The following CATSPERE variants were observed in gnomAD, a reference collection of about 807,000 sequenced individuals.
CATSPERE encodes cation channel sperm-associated auxiliary subunit epsilon.
A neutral mutation model predicts 114.1 loss-of-function variants in CATSPERE; 93 were observed. The observed-to-expected ratio is 0.81, with a 90% CI of 0.69 to 0.97. CATSPERE has a LOEUF of 0.97. Ranked by LOEUF, CATSPERE falls within the 50% of genes least tolerant of loss-of-function variation. CATSPERE has a pLI of 0.00. For synonymous variants in CATSPERE, 341 were observed against 384.1 expected (o/e 0.89, Z 1.31); for missense variants, 1,058 against 1,131.6 (o/e 0.93, Z 0.93).
At position 244,618,649 on chromosome 1, in the gene CATSPERE, T is replaced by A. The variant is rs566149216; in HGVS notation, c.2648+963T>A. Among the ~76,000 whole-genome samples the A allele has an allele frequency of 2.6e-5, 4 of 152,216 alleles. No individual in the cohort carries two copies. The East Asian group carries it at 7.7e-4, about 29-fold the overall frequency. On this transcript the variant is annotated intron_variant, in intron 20 of 21. Transcript: ENST00000366534. Reference sequence around the variant, plus strand: ...AAAATTAGCTGGGTGTGGTGGTGCATGCCTGTAATCCCAGCTACTCAGAAG... The same window carrying A: ...AAAATTAGCTGGGTGTGGTGGTGCAAGCCTGTAATCCCAGCTACTCAGAAG...
chr1:244,484,024 A>G (rs1367272944), intron 5 of CATSPERE, among the ~76,000 whole-genome samples: 1 of 152,088 alleles, frequency 6.6e-6, no homozygotes, highest in East Asian at 1.9e-4. Flanking sequence ...TTTCTACATG[A>G]ATAATTAATT....
At chr1:244,559,559 C>T (rs1408944924) in intron 9 of CATSPERE, among the ~76,000 whole-genome samples, 3 of 152,116 alleles carry the variant, frequency 2.0e-5, no homozygotes, top group Admixed American at 2.0e-4. Context: ...TGAAATTAGG[C>T]CCACCAAGTT....
rs373221923 is a variant in CATSPERE at position 244,624,162 on chromosome 1, A to G, written c.2648+6476A>G. Among the ~76,000 whole-genome samples, 957 of 134,028 alleles carry G rather than the reference A, an allele frequency of 7.1e-3. 21 individuals are homozygous for G. The East Asian group carries it at 0.1, about 14-fold the overall frequency. The allele number at this position is 134,028 out of a possible 152,430, so 87.9% of individuals were successfully genotyped here. On this transcript the variant is annotated intron_variant, in intron 20 of 21. Transcript: ENST00000366534. The stretch of plus-strand genomic sequence containing the variant: ...TTTTTTTTGTATTTTTAGTAGAGAC[A>G]GGGTTTCACCGTGTTAGCCAGGATG...
chr1:244,543,400 G>A (rs1022595938), intron 8 of CATSPERE, among the ~76,000 whole-genome samples: 2 of 151,894 alleles, frequency 1.3e-5, no homozygotes, highest in African/African-American at 2.4e-5. Context: ...GACAGATACT[G>A]TATGATCTCA....
intron 8 of CATSPERE, among the ~76,000 whole-genome samples, chr1:244,541,943 T>C (rs1410551503): frequency 1.6e-5 from 2 of 128,750 alleles, no homozygotes; most frequent in African/African-American, 3.0e-5. Flanking sequence ...CACTCATAGG[T>C]GGGAATTGAA....
intron 2 of CATSPERE, among the ~76,000 whole-genome samples, chr1:244,466,949 C>T (rs943532775): frequency 6.6e-6 from 1 of 152,158 alleles, no homozygotes; most frequent in African/African-American, 2.4e-5. Context: ...AAGTTCCAGT[C>T]CACATCTGAT....
chr1:244,497,264 G>A (rs993682819), intron 6 of CATSPERE, among the ~76,000 whole-genome samples: 5 of 152,096 alleles, frequency 3.3e-5, no homozygotes, highest in Non-Finnish European at 7.4e-5. Context: ...GTAAATGACA[G>A]ATAACATGGC....
At chr1:244,515,477 C>G in intron 7 of CATSPERE, 3 of 222,228 alleles carry the variant, frequency 1.3e-5, no homozygotes, top group Non-Finnish European at 2.3e-5. Flanking sequence ...ATTAGATCCT[C>G]AGATCTAGAA....
At chr1:244,636,953 C>G (rs1215461622) in intron 21 of CATSPERE, among the ~76,000 whole-genome samples, 2 of 152,134 alleles carry the variant, frequency 1.3e-5, no homozygotes, top group Non-Finnish European at 2.9e-5. Flanking sequence ...TGTCTCCATT[C>G]TGCTCTCTCT....
chr1:244,451,522 A>G (rs1665601679), upstream of CATSPERE: 2 of 1,140,406 alleles, frequency 1.8e-6, no homozygotes, highest in Non-Finnish European at 2.4e-6. This position sits in a 1 kb window ranked among gnomAD's most constrained non-coding sequence, Gnocchi z 6.6. Context: ...CCTCAAGGTG[A>G]CACCTCATTT....
chr1:244,522,450 C>G (rs1677736000), intron 8 of CATSPERE, among the ~76,000 whole-genome samples: 5 of 152,096 alleles, frequency 3.3e-5, no homozygotes, highest in Admixed American at 3.3e-4. Flanking sequence ...CAAACACATT[C>G]AAAAGGTAGC....
At chr1:244,601,085 AT>A (rs1282198210) in intron 17 of CATSPERE, among the ~76,000 whole-genome samples, 1 of 152,212 alleles carries the variant, frequency 6.6e-6, no homozygotes, top group African/African-American at 2.4e-5. Flanking sequence ...AAGTAGGCAT[AT>A]TTTAAAAATT....
rs1005219900 is a variant in CATSPERE, at chr1:244,568,560, G to A, written c.1508-3770G>A. ...GCTGCCCAGAGAGGAGGAATCTAGA[G>A]AGGCAGTCTGGCTATGGCAGCTGTG... is the stretch of plus-strand genomic sequence containing the variant. On this transcript the variant is annotated intron_variant, in intron 10 of 21. Transcript: ENST00000366534. This position sits in a 1 kb window ranked among gnomAD's most constrained non-coding sequence, Gnocchi z 4.4. 1.9e-4 allele frequency among the ~76,000 whole-genome samples: 29 copies of A among 152,248 alleles called. No homozygotes were observed. The highest frequency in any genetic ancestry group is 1.8e-3 in the Admixed American group (28 of 15,288).
At position 244,601,963 on chromosome 1, in the gene CATSPERE, GAGA is replaced by G. The variant is rs896618926; in HGVS notation, c.2304-3729_2304-3727del. ...AGCGAAACGGAAGGAAGGAAGGAGA[GAGA>G]AGGAGGAGAAGGGGAGAAAGGGAAG... On this transcript the variant is annotated intron_variant, in intron 17 of 21. Transcript: ENST00000366534. Among the ~76,000 whole-genome samples the G allele has an allele frequency of 2.0e-4, 30 of 151,286 alleles. 1 individual carries two copies. Among genetic ancestry groups the G allele is most frequent in the African/African-American group, 7.0e-4 (29 of 41,344 alleles).
intron 17 of CATSPERE, 124 bp downstream of exon 17, chr1:244,593,702 A>T: frequency 1.3e-6 from 1 of 783,572 alleles, no homozygotes; most frequent in East Asian, 2.7e-5. Context: ...TATATGCGAG[A>T]CTTGGTTTTC....
intron 19 of CATSPERE, among the ~76,000 whole-genome samples, chr1:244,614,238 A>G (rs545875376): frequency 5.3e-5 from 8 of 152,350 alleles, no homozygotes; most frequent in African/African-American, 1.9e-4. Flanking sequence ...CTGTGTTCCT[A>G]GAGCTTCTGC....
At chr1:244,451,940 C>T (rs1458552849), upstream of CATSPERE, 10 of 1,076,580 alleles carry the variant, frequency 9.3e-6, no homozygotes, top group Non-Finnish European at 1.3e-5. This position sits in a 1 kb window ranked among gnomAD's most constrained non-coding sequence, Gnocchi z 6.6. Flanking sequence ...GCCCCGCCCC[C>T]GCCCCGCCGG....
intron 20 of CATSPERE, among the ~76,000 whole-genome samples, chr1:244,625,407 T>A (rs10927282): frequency 0.66 from 7,494 of 11,402 alleles, 2,230 homozygotes; most frequent in Admixed American, 0.77. Flanking sequence ...TATTATTATT[T>A]ATATATATAT....
At chr1:244,561,210 T>G in intron 10 of CATSPERE, 65 bp downstream of exon 10, 2 of 1,181,102 alleles carry the variant, frequency 1.7e-6, no homozygotes, top group South Asian at 2.9e-5. Flanking sequence ...CTTATAATGA[T>G]GTAACACTTT....
Sources: allele counts gnomAD v4.1 joint callset (sites outside exome capture counted in the v4.1 genomes callset), GRCh38; gene constraint gnomAD v4.1.1; non-coding constraint Gnocchi (gnomAD v3.1); transcripts MANE v1.5; gene names NCBI Gene and HGNC (gene_info 2026-07-23, HGNC 2026-07-21).